Variants in RASAL2 observed in about 807,000 individuals in gnomAD.
The protein encoded by RASAL2 is RAS protein activator like 2.
In RASAL2, 58 loss-of-function variants were observed where a neutral mutation model predicts 128.9. That is an observed-to-expected ratio of 0.45 (90% confidence interval 0.36 to 0.56). The LOEUF is 0.56. Among genes scored for constraint, RASAL2 ranks in the 20% least tolerant of loss-of-function variants. RASAL2 has a pLI of 0.00. For missense variants in RASAL2, 1,360 were observed against 1,601.6 expected (o/e 0.85, Z 2.57); for synonymous variants, 561 against 580.8 (o/e 0.97, Z 0.49).
At chr1:178,288,964 G>GA (rs560300300) in intron 2 of RASAL2, among the ~76,000 whole-genome samples, 27 of 151,710 alleles carry the variant, frequency 1.8e-4, no homozygotes, top group African/African-American at 6.0e-4. Context: ...TTTCTCATCT[G>GA]AAAAAAACAA....
At position 178,473,092 on chromosome 1, in the gene RASAL2, C is replaced by T. The variant is rs754122175; in HGVS notation, c.3696C>T (p.Ser1232=). 1.1e-5 allele frequency: 17 copies of T among 1,613,960 alleles called. No homozygotes were observed. The African/African-American group carries it at 1.9e-4, about 18-fold the overall frequency. ...IIDAQEKRIV[S]LDSANTRLMS... is the part of the protein sequence containing the mutation. Reference sequence around the variant, plus strand: ...TGTTGTAGGAAAAACGGATCGTGTCCCTGGATTCAGCCAACACCAGACTGA... The same window carrying T: ...TGTTGTAGGAAAAACGGATCGTGTCTCTGGATTCAGCCAACACCAGACTGA... Residue 1232 remains serine, a synonymous_variant, in exon 18 of 18, where the codon TCC becomes TCT. Coordinates refer to ENST00000367649, the MANE Select transcript of RASAL2 (RefSeq NM_170692.4).
intron 8 of RASAL2, among the ~76,000 whole-genome samples, chr1:178,443,583 C>T (rs901231485): frequency 3.3e-5 from 5 of 152,078 alleles, no homozygotes; most frequent in East Asian, 1.9e-4. Flanking sequence ...GGTTTTCTTC[C>T]TCACTGTATT....
intron 4 of RASAL2, among the ~76,000 whole-genome samples, chr1:178,403,006 C>T (rs1476483259): frequency 6.6e-6 from 1 of 152,020 alleles, no homozygotes; most frequent in Non-Finnish European, 1.5e-5. Context: ...TTATTATATT[C>T]CTTAAAGCCA....
At chr1:178,372,316 TTTCTGGGTACGGTAGGGCTTGCTTG>T in intron 3 of RASAL2, 1 of 985,424 alleles carries the variant, frequency 1.0e-6, no homozygotes, top group Non-Finnish European at 1.2e-6. Flanking sequence ...CCTTCTGTCA[TTTCTGGGTACGGTAGGGCTTGCTTG>T]TTCTTTTAAC....
chr1:178,104,523 T>C (rs1477546715), intron 1 of RASAL2, among the ~76,000 whole-genome samples: 2 of 152,340 alleles, frequency 1.3e-5, no homozygotes, highest in Non-Finnish European at 1.5e-5. Flanking sequence ...TGTTTTCTTA[T>C]GCTGAATTCC....
At chr1:178,378,073 A>G (rs573193391) in intron 3 of RASAL2, among the ~76,000 whole-genome samples, 1 of 152,092 alleles carries the variant, frequency 6.6e-6, no homozygotes, top group African/African-American at 2.4e-5. Context: ...TAAGATGGTA[A>G]AAATAAAATC....
At chr1:178,193,128 T>G (rs1662547127) in intron 1 of RASAL2, among the ~76,000 whole-genome samples, 1 of 152,180 alleles carries the variant, frequency 6.6e-6, no homozygotes, top group Non-Finnish European at 1.5e-5. Flanking sequence ...ATCCCAAAAT[T>G]TTCAGGTTTT....
intron 9 of RASAL2, among the ~76,000 whole-genome samples, chr1:178,449,441 A>T (rs74131364): frequency 1.3e-5 from 2 of 152,242 alleles, no homozygotes; most frequent in East Asian, 3.9e-4. Flanking sequence ...TTATTCCTAC[A>T]TGTGAAATTT....
intron 1 of RASAL2, among the ~76,000 whole-genome samples, chr1:178,100,624 T>C (rs1658861391): frequency 6.6e-6 from 1 of 152,046 alleles, no homozygotes; most frequent in South Asian, 2.1e-4. Context: ...TCACATGACA[T>C]AGTAGGCTTT....
rs1238106428 is a variant in RASAL2 at position 178,465,815 on chromosome 1, AAAG to A, written c.3388-102_3388-100del. The A allele has an allele frequency of 1.5e-5, 16 of 1,102,224 alleles. No homozygotes were observed. The African/African-American group carries it at 2.5e-4, about 18-fold the overall frequency. 68.3% of individuals were successfully genotyped at this position (1,102,224 alleles called of 1,614,324 possible). A position where few individuals can be genotyped will look rare whatever the true frequency, so the allele number is the denominator to read the frequency against. ...GGTTTCTTTTGTTAAAAAAAAGAAA[AAAG>A]AAAAAGAAAAAAAGAAAGAAAGAGA... On this transcript the variant is annotated intron_variant, in intron 15 of 17. Transcript: ENST00000367649.
At chr1:178,442,410 T>C (rs543421946) in intron 7 of RASAL2, among the ~76,000 whole-genome samples, 28 of 152,186 alleles carry the variant, frequency 1.8e-4, no homozygotes, top group African/African-American at 5.8e-4. Flanking sequence ...AACTTACCGT[T>C]ACAAAATGAT....
At chr1:178,283,428 A>G (rs1488142015) in intron 1 of RASAL2, 136 bp from the exon 2 acceptor site, 12 of 1,102,068 alleles carry the variant, frequency 1.1e-5, no homozygotes, top group Non-Finnish European at 1.5e-5. Flanking sequence ...TCTTAAGAGG[A>G]AGCTTTAAAT....
chr1:178,406,320 A>C (rs1673998489), intron 4 of RASAL2, among the ~76,000 whole-genome samples: 1 of 152,234 alleles, frequency 6.6e-6, no homozygotes, highest in Non-Finnish European at 1.5e-5. Flanking sequence ...TGCTAAGTGA[A>C]GAAAGACTAC....
At chr1:178,131,523 G>C (rs966186188) in intron 1 of RASAL2, among the ~76,000 whole-genome samples, 1 of 151,646 alleles carries the variant, frequency 6.6e-6, no homozygotes, top group Admixed American at 6.6e-5. Flanking sequence ...ACCCAGCTAG[G>C]ATATATTTCA....
intron 1 of RASAL2, among the ~76,000 whole-genome samples, chr1:178,231,167 A>T (rs1663993277): frequency 6.6e-6 from 1 of 152,076 alleles, no homozygotes; most frequent in Non-Finnish European, 1.5e-5. Context: ...TTTTAGAGAG[A>T]CAGTTAACAA....
At chr1:178,381,468 T>A (rs972187347) in intron 3 of RASAL2, among the ~76,000 whole-genome samples, 1 of 151,790 alleles carries the variant, frequency 6.6e-6, no homozygotes, top group African/African-American at 2.4e-5. Flanking sequence ...TCTTTTTTAT[T>A]ACCTTCACTA....
intron 3 of RASAL2, among the ~76,000 whole-genome samples, chr1:178,367,224 C>T (rs1267112552): frequency 2.0e-5 from 3 of 152,144 alleles, no homozygotes; most frequent in African/African-American, 4.8e-5. Context: ...CTTTTTCCCT[C>T]TCATTCCAGT....
chr1:178,282,045 G>A (rs1299966650), intron 1 of RASAL2, among the ~76,000 whole-genome samples: 1 of 152,128 alleles, frequency 6.6e-6, no homozygotes, highest in Non-Finnish European at 1.5e-5. Flanking sequence ...GAGGGTTGAG[G>A]GTAGGGGAGA....
chr1:178,382,226 C>A (rs1323571472), intron 3 of RASAL2, among the ~76,000 whole-genome samples: 1 of 152,078 alleles, frequency 6.6e-6, no homozygotes, highest in Non-Finnish European at 1.5e-5. Flanking sequence ...TAAGTTGTTT[C>A]CTGTTTTGTT....
Sources: allele counts gnomAD v4.1 joint callset (sites outside exome capture counted in the v4.1 genomes callset), GRCh38; gene constraint gnomAD v4.1.1; transcripts MANE v1.5; gene names NCBI Gene and HGNC (gene_info 2026-07-23, HGNC 2026-07-21).